NETO1: variants seen among roughly 807,000 people sequenced by gnomAD.
NETO1 encodes neuropilin and tolloid-like protein 1.
A neutral mutation model predicts 61.3 loss-of-function variants in NETO1; 26 were observed. That is an observed-to-expected ratio of 0.42 (90% CI 0.31 to 0.59). The LOEUF is 0.59. Ranked by LOEUF, NETO1 falls within the 20% of genes least tolerant of loss-of-function variation. NETO1 has a pLI of 0.12. For synonymous variants in NETO1, 225 were observed against 225.8 expected (o/e 1.00, Z 0.03); for missense variants, 531 against 662.8 (o/e 0.80, Z 2.18).
chr18:72,773,646 C>T lies in NETO1; in HGVS notation c.868+10032G>A, dbSNP rs920101043. On this transcript the variant is annotated intron_variant, in intron 7 of 10. Coordinates refer to ENST00000327305, the MANE Select transcript of NETO1 (RefSeq NM_138966.5). The stretch of plus-strand genomic sequence containing the variant: ...TCAGGAGATCTGATGGTTTTATAGG[C>T]GTCTCACAATTATTCTACTGGCATG... Among the ~76,000 whole-genome samples the T allele has an allele frequency of 3.9e-5, 6 of 152,096 alleles. No individual in the cohort carries two copies. In the South Asian group the frequency reaches 6.2e-4, roughly 16 times the overall value.
chr18:72,757,100 T>C (rs2070808957), intron 7 of NETO1, among the ~76,000 whole-genome samples: 1 of 152,138 alleles, frequency 6.6e-6, no homozygotes, highest in Admixed American at 6.5e-5. Context: ...GTTTCTTTTT[T>C]TCAATAAAGG....
chr18:72,783,815 T>C lies in NETO1; in HGVS notation c.731A>G (p.Glu244Gly). 1 of 1,614,170 alleles carries C rather than the reference T, an allele frequency of 6.2e-7. No homozygotes were observed. The highest frequency in any genetic ancestry group is 8.5e-7 in the Non-Finnish European group (1 of 1,180,010). ...GCTACAGAACTTAGCTTTCAAATCCTCCACGGAACTGCTTCCATCATACAC... is the reference window on the plus strand; with the variant it reads ...GCTACAGAACTTAGCTTTCAAATCCCCCACGGAACTGCTTCCATCATACAC... ...VAVYDGSSSV[E>G]DLKAKFCSTV... The change falls in exon 7 of 11, where the codon GAG becomes GGG. Residue 244 changes from glutamate (E) to glycine (G), a missense_variant. Coordinates refer to ENST00000327305, the MANE Select transcript of NETO1 (RefSeq NM_138966.5).
intron 7 of NETO1, among the ~76,000 whole-genome samples, chr18:72,760,477 C>T (rs1440673610): frequency 6.6e-6 from 1 of 152,156 alleles, no homozygotes; most frequent in Non-Finnish European, 1.5e-5. Context: ...TTTGGGCTGT[C>T]AGGAGCGATA....
chr18:72,811,905 G>C (rs958321100), intron 4 of NETO1, among the ~76,000 whole-genome samples: 2 of 152,160 alleles, frequency 1.3e-5, no homozygotes, highest in African/African-American at 4.8e-5. Flanking sequence ...TCTCTGTCTC[G>C]TTTACATCCA....
intron 7 of NETO1, among the ~76,000 whole-genome samples, chr18:72,758,369 G>A (rs2070854207): frequency 9.6e-6 from 1 of 104,008 alleles, no homozygotes; most frequent in Admixed American, 1.0e-4. Context: ...TTTTGTTTGT[G>A]GTGCTTTTTT....
intron 7 of NETO1, among the ~76,000 whole-genome samples, chr18:72,772,967 G>T (rs940312722): frequency 2.0e-4 from 30 of 149,862 alleles, no homozygotes; most frequent in African/African-American, 6.9e-4. Context: ...TATTTCTGCT[G>T]AGGAAATTAG....
intron 4 of NETO1, among the ~76,000 whole-genome samples, chr18:72,848,869 A>C (rs766717632): frequency 7.2e-5 from 11 of 152,216 alleles, no homozygotes; most frequent in Non-Finnish European, 1.2e-4. Context: ...TCAAGATGGC[A>C]ACCTTTATGC....
chr18:72,864,164 CA>C (rs553879639), intron 3 of NETO1, among the ~76,000 whole-genome samples: 51 of 140,746 alleles, frequency 3.6e-4, no homozygotes, highest in East Asian at 1.4e-3. Context: ...CGCTTTGTCT[CA>C]AAAAAAAAAA....
At chr18:72,782,683 A>G (rs963609542) in intron 7 of NETO1, among the ~76,000 whole-genome samples, 5 of 152,146 alleles carry the variant, frequency 3.3e-5, no homozygotes, top group African/African-American at 1.2e-4. Flanking sequence ...GCATGCCTGT[A>G]ATCCCAGCTA....
At position 72,746,691 on chromosome 18, in the gene NETO1, C is replaced by G. The variant is rs1177472736; in HGVS notation, c.*1488G>C. 6.6e-6 allele frequency among the ~76,000 whole-genome samples: 1 copy of G among 151,796 alleles called. No individual in the cohort carries two copies. Among genetic ancestry groups the G allele is most frequent in the African/African-American group, 2.4e-5 (1 of 41,330 alleles). On this transcript the variant is annotated 3_prime_UTR_variant, in exon 11 of 11. Transcript: ENST00000327305. ...TTGCAAAGTCCAAATTTTAGTAGAC[C>G]AGACTGCTCTGTTAGTGGAAGGACA...
chr18:72,833,151 C>A (rs954659961), intron 4 of NETO1, among the ~76,000 whole-genome samples: 3 of 152,182 alleles, frequency 2.0e-5, no homozygotes, highest in Non-Finnish European at 4.4e-5. Flanking sequence ...ATCGGTAGAA[C>A]TGGAGGAAAC....
At chr18:72,860,300 C>T (rs535026546) in intron 3 of NETO1, among the ~76,000 whole-genome samples, 1 of 152,300 alleles carries the variant, frequency 6.6e-6, no homozygotes, top group South Asian at 2.1e-4. Context: ...CACAGTCGGG[C>T]CTGCTCCCTC....
chr18:72,866,076 AT>A (rs2074723905), intron 1 of NETO1, among the ~76,000 whole-genome samples: 2 of 152,302 alleles, frequency 1.3e-5, no homozygotes, highest in South Asian at 4.1e-4. Flanking sequence ...TCTAATCAAC[AT>A]TTTTACAAGA....
chr18:72,839,945 C>G (rs2073874998), intron 4 of NETO1, among the ~76,000 whole-genome samples: 1 of 152,196 alleles, frequency 6.6e-6, no homozygotes, highest in South Asian at 2.1e-4. Context: ...CAATGAACAT[C>G]CAGTTAATAA....
chr18:72,778,692 T>C (rs2071638709), intron 7 of NETO1, among the ~76,000 whole-genome samples: 1 of 152,212 alleles, frequency 6.6e-6, no homozygotes, highest in Non-Finnish European at 1.5e-5. Flanking sequence ...TTTATATTTC[T>C]ATAAGCATTC....
chr18:72,834,616 G>T, intron 4 of NETO1: 2 of 983,314 alleles, frequency 2.0e-6, no homozygotes, highest in South Asian at 9.4e-5. Flanking sequence ...GGAGCTACAG[G>T]AAATTTATGT....
At chr18:72,784,900 A>C (rs1349522629) in intron 6 of NETO1, among the ~76,000 whole-genome samples, 1 of 152,250 alleles carries the variant, frequency 6.6e-6, no homozygotes, top group African/African-American at 2.4e-5. Context: ...CACAGTGAAC[A>C]AAAGAATGAG....
intron 4 of NETO1, among the ~76,000 whole-genome samples, chr18:72,819,460 G>C (rs1428130253): frequency 6.6e-6 from 1 of 152,120 alleles, no homozygotes; most frequent in East Asian, 1.9e-4. Context: ...AAAAATATTT[G>C]ACGTTGATAC....
chr18:72,780,218 C>T (rs1481672267), intron 7 of NETO1, among the ~76,000 whole-genome samples: 1 of 152,140 alleles, frequency 6.6e-6, no homozygotes, highest in Non-Finnish European at 1.5e-5. Flanking sequence ...ACAGAGAACG[C>T]TGTTGTAAAA....
Sources: allele counts gnomAD v4.1 joint callset (sites outside exome capture counted in the v4.1 genomes callset), GRCh38; gene constraint gnomAD v4.1.1; transcripts MANE v1.5; gene names NCBI Gene and HGNC (gene_info 2026-07-23, HGNC 2026-07-21).